The following SHROOM2 variants were observed in gnomAD, a reference collection of about 807,000 sequenced individuals.
SHROOM2 encodes protein Shroom2.
SHROOM2 carries 33 observed loss-of-function variants against 75.9 expected under a neutral mutation model. The observed-to-expected ratio is 0.43, with a 90% CI of 0.33 to 0.58. The LOEUF (loss-of-function observed/expected upper bound fraction) is 0.58. Ranked by LOEUF, SHROOM2 falls within the 20% of genes least tolerant of loss-of-function variation. The probability of loss-of-function intolerance (pLI) is 0.04; values close to 1 mark genes in which losing one functional copy is unlikely to be tolerated. For missense variants in SHROOM2, 1,434 were observed against 1,461.2 expected (o/e 0.98, Z 0.30); for synonymous variants, 655 against 663.6 (o/e 0.99, Z 0.20).
At chrX:9,858,284 G>A (rs759366996) in intron 1 of SHROOM2, among the ~76,000 whole-genome samples, 3 of 111,744 alleles carry the variant, frequency 2.7e-5, no homozygotes, top group African/African-American at 6.5e-5. Flanking sequence ...AACAAGGCCC[G>A]TCCCTTTGAA....
intron 1 of SHROOM2, among the ~76,000 whole-genome samples, chrX:9,834,650 A>T (rs67477338): frequency 0.098 from 1,745 of 17,796 alleles, 35 homozygotes; most frequent in East Asian, 0.19. Flanking sequence ...TTATTTATTT[A>T]TTTTCTTTGA....
chrX:9,937,360 G>T lies in SHROOM2; in HGVS notation c.3814G>T (p.Ala1272Ser), dbSNP rs755162404. 21 of 1,203,053 alleles carry T rather than the reference G, an allele frequency of 1.7e-5. No individual in the cohort carries two copies. The highest frequency in any genetic ancestry group is 1.1e-4 in the Admixed American group (5 of 44,872). Residue 1272 changes from alanine (A) to serine (S), a missense_variant, in exon 7 of 10, where the codon GCC (alanine) becomes TCC (serine). Physicochemically the swap from Ala to Ser is moderately conservative, Grantham distance 99 (BLOSUM62 1). This residue lies in a region of SHROOM2 where 1,340 missense variants were observed against 1,338.3 expected (regional missense o/e 1.00). Transcript: ENST00000380913. ...CACGCGGCAGGGTGCTGAGCCCGAGGCCCCACATAGGGCCCAGCCGGCTGA... is the reference window on the plus strand; with the variant it reads ...CACGCGGCAGGGTGCTGAGCCCGAGTCCCCACATAGGGCCCAGCCGGCTGA... ...LYTRQGAEPE[A>S]PHRAQPAEPQ...
At chrX:9,835,272 A>G (rs2083937831) in intron 1 of SHROOM2, among the ~76,000 whole-genome samples, 1 of 112,258 alleles carries the variant, frequency 8.9e-6, no homozygotes, top group South Asian at 3.6e-4. Context: ...AGTTGAATAT[A>G]TGCACGGACA....
At chrX:9,909,591 C>T (rs1169863814) in intron 5 of SHROOM2, among the ~76,000 whole-genome samples, 1 of 111,975 alleles carries the variant, frequency 8.9e-6, no homozygotes, top group Non-Finnish European at 1.9e-5. Flanking sequence ...GACAGCATGC[C>T]CCTTGATATC....
At position 9,894,280 on chromosome X, in the gene SHROOM2, G is replaced by T; in HGVS notation, c.450-78G>T. 3 of 981,029 alleles carry T rather than the reference G, an allele frequency of 3.1e-6. No homozygotes were observed. The South Asian group carries it at 6.8e-5, about 22-fold the overall frequency. The allele number at this position is 981,029 out of a possible 1,213,427, so 80.8% of individuals were successfully genotyped here. A position where few individuals can be genotyped will look rare whatever the true frequency, so the allele number is the denominator to read the frequency against. ...ATTTTGGTATTTCCACAGAGGGTCA[G>T]CTGCGTCCACCGCCTTGCCCTTTGC... On this transcript the variant is annotated intron_variant, in intron 3 of 9. Transcript: ENST00000380913.
At chrX:9,806,682 A>G (rs1440419749) in intron 1 of SHROOM2, among the ~76,000 whole-genome samples, 1 of 98,566 alleles carries the variant, frequency 1.0e-5, no homozygotes, top group Non-Finnish European at 2.0e-5. Flanking sequence ...ATATATATAT[A>G]TCTGTCTCCT....
chrX:9,912,241 ACACACACACAT>A, intron 5 of SHROOM2, among the ~76,000 whole-genome samples: 1 of 60,599 alleles, frequency 1.7e-5, no homozygotes, highest in African/African-American at 6.0e-5. Flanking sequence ...ACACACACAC[ACACACACACAT>A]AAAGGAAGAC....
At chrX:9,925,830 C>T (rs1259224941) in intron 5 of SHROOM2, among the ~76,000 whole-genome samples, 2 of 112,666 alleles carry the variant, frequency 1.8e-5, no homozygotes, top group South Asian at 3.6e-4. Flanking sequence ...AGTGTGTTCA[C>T]TCTGTCTCTT....
chrX:9,829,077 A>G (rs1330473456), intron 1 of SHROOM2, among the ~76,000 whole-genome samples: 3 of 111,818 alleles, frequency 2.7e-5, no homozygotes, highest in Non-Finnish European at 5.6e-5. Flanking sequence ...AGGCTGGAGT[A>G]TAGTGGCACA....
At chrX:9,937,743 G>A (rs758504331) in intron 7 of SHROOM2, 58 bp downstream of exon 7, 1 of 974,457 alleles carries the variant, frequency 1.0e-6, no homozygotes, top group South Asian at 2.5e-5. Context: ...TCTTAGGCTT[G>A]TAAAGGGAAG....
intron 1 of SHROOM2, among the ~76,000 whole-genome samples, chrX:9,855,422 G>C (rs1306516605): frequency 9.3e-6 from 1 of 108,108 alleles, no homozygotes; most frequent in African/African-American, 3.4e-5. Flanking sequence ...ATCTGTCACT[G>C]TTACCTACGC....
chrX:9,808,111 G>A (rs190838562), intron 1 of SHROOM2, among the ~76,000 whole-genome samples: 1 of 111,373 alleles, frequency 9.0e-6, no homozygotes, highest in East Asian at 2.8e-4. Context: ...TCCGATCTCC[G>A]GTGTTTGAGG....
At chrX:9,791,722 G>A (rs998496226) in intron 1 of SHROOM2, among the ~76,000 whole-genome samples, 3 of 111,286 alleles carry the variant, frequency 2.7e-5, no homozygotes, top group African/African-American at 9.8e-5. Flanking sequence ...GCCAGGCACG[G>A]TGGCTCACGC....
rs1490524025 is a variant in SHROOM2 at position 9,805,592 on chromosome X, C to T, written c.165+18882C>T. Among the ~76,000 whole-genome samples, 4 of 107,882 alleles carry T rather than the reference C, an allele frequency of 3.7e-5. No homozygotes were observed. In the Admixed American group the frequency reaches 3.9e-4, roughly 11 times the overall value. The allele number at this position is 107,882 out of a possible 115,157, so 93.7% of individuals were successfully genotyped here. A position where few individuals can be genotyped will look rare whatever the true frequency, so the allele number is the denominator to read the frequency against. On this transcript the variant is annotated intron_variant, in intron 1 of 9. Coordinates refer to ENST00000380913, the MANE Select transcript of SHROOM2 (RefSeq NM_001649.4). ...CTCTACTAAAGATTAAAAAATTAGC[C>T]GGGCATGGTTGGCAAGTGCCTGTAA...
At chrX:9,899,234 C>T (rs1007789806) in intron 5 of SHROOM2, among the ~76,000 whole-genome samples, 10 of 105,097 alleles carry the variant, frequency 9.5e-5, no homozygotes, top group Non-Finnish European at 2.0e-4. Context: ...TGCACTCCAG[C>T]CTGGGCAACA....
intron 8 of SHROOM2, among the ~76,000 whole-genome samples, chrX:9,939,718 G>A (rs767053418): frequency 4.7e-4 from 53 of 111,883 alleles, no homozygotes; most frequent in East Asian, 2.2e-3. Flanking sequence ...ATGGCCCACC[G>A]CAGCCTTGAC....
chrX:9,868,389 G>T (rs1445759306), intron 1 of SHROOM2, among the ~76,000 whole-genome samples: 5 of 109,252 alleles, frequency 4.6e-5, no homozygotes, highest in Non-Finnish European at 9.5e-5. Context: ...GGGATTACAG[G>T]AGCGTGCCAC....
chrX:9,925,820 A>C (rs1208151227), intron 5 of SHROOM2, among the ~76,000 whole-genome samples: 1 of 112,598 alleles, frequency 8.9e-6, no homozygotes, highest in African/African-American at 3.2e-5. Context: ...ATCCACGGGA[A>C]GTGTGTTCAC....
In SHROOM2 at chrX:9,937,151, A is replaced by G. The variant is rs886429922; in HGVS notation, c.3605A>G (p.Asp1202Gly). The change falls in exon 7 of 10, where the codon GAC (aspartate) becomes GGC (glycine). Residue 1202 changes from aspartate (D) to glycine (G), a missense_variant. This residue lies in a region of SHROOM2 where 1,340 missense variants were observed against 1,338.3 expected (regional missense o/e 1.00). Coordinates refer to ENST00000380913, the MANE Select transcript of SHROOM2 (RefSeq NM_001649.4). ...EDSTRIERVM[D>G]NNTTVKMVPI... ...TCTTCCAGAATTGAGCGGGTGATGGACAACAACACCACGGTGAAGATGGTG... is the reference window on the plus strand; with the variant it reads ...TCTTCCAGAATTGAGCGGGTGATGGGCAACAACACCACGGTGAAGATGGTG... 8.4e-7 allele frequency: 1 copy of G among 1,196,364 alleles called. No individual in the cohort carries two copies. Among genetic ancestry groups the G allele is most frequent in the Non-Finnish European group, 1.1e-6 (1 of 887,828 alleles).
Sources: gnomAD v4.1 joint callset for allele counts (sites outside exome capture counted in the v4.1 genomes callset) on GRCh38, gnomAD v4.1.1 for gene constraint, gnomAD v4.1.1 regional missense constraint, MANE v1.5 for transcripts, NCBI Gene and HGNC (gene_info 2026-07-23, HGNC 2026-07-21) for gene names.